KCNIP4: variants seen among roughly 807,000 people sequenced by gnomAD.
KCNIP4 encodes potassium voltage-gated channel interacting protein 4.
KCNIP4 carries 12 observed loss-of-function variants against 34.0 expected under a neutral mutation model. That is an observed-to-expected ratio of 0.35 (90% confidence interval 0.23 to 0.57). The LOEUF is 0.57. KCNIP4 is among the 20% of genes least tolerant of loss of function. KCNIP4 has a pLI of 0.83. For synonymous variants in KCNIP4, 124 were observed against 102.2 expected, an observed-to-expected ratio of 1.21 and a Z score of -1.29; for missense variants, 238 against 311.7, an observed-to-expected ratio of 0.76 and a Z score of 1.78.
chr4:21,458,638 T>G (rs1322986885), intron 1 of KCNIP4, among the ~76,000 whole-genome samples: 1 of 151,984 alleles, frequency 6.6e-6, no homozygotes, highest in Non-Finnish European at 1.5e-5. Context: ...CACATTAACT[T>G]CCTGATCGCT....
At chr4:21,871,490 T>C (rs1356196171) in intron 1 of KCNIP4, among the ~76,000 whole-genome samples, 1 of 151,678 alleles carries the variant, frequency 6.6e-6, no homozygotes, top group Non-Finnish European at 1.5e-5. Flanking sequence ...ATGTCCTTTG[T>C]AGGGACATGG....
chr4:21,416,811 T>C (rs1023200791), intron 1 of KCNIP4, among the ~76,000 whole-genome samples: 35 of 152,176 alleles, frequency 2.3e-4, no homozygotes, highest in Non-Finnish European at 1.3e-4. Flanking sequence ...ATGTCAGTCA[T>C]ATTTGAAAAG....
At chr4:21,681,428 G>T (rs543907386) in intron 1 of KCNIP4, among the ~76,000 whole-genome samples, 226 of 152,246 alleles carry the variant, frequency 1.5e-3, no homozygotes, top group African/African-American at 5.3e-3. Flanking sequence ...CATCTACACT[G>T]AAAATTTGGT....
chr4:21,643,078 C>T (rs1371211758), intron 1 of KCNIP4, among the ~76,000 whole-genome samples: 6 of 152,114 alleles, frequency 3.9e-5, no homozygotes, highest in African/African-American at 1.2e-4. Flanking sequence ...AGAGTTACAG[C>T]GATGTAACCA....
chr4:21,396,359 C>A (rs970428755), intron 1 of KCNIP4, among the ~76,000 whole-genome samples: 6 of 151,524 alleles, frequency 4.0e-5, no homozygotes, highest in Admixed American at 1.3e-4. Context: ...AGTTTGAGAC[C>A]AGCCTGGCCA....
intron 3 of KCNIP4, among the ~76,000 whole-genome samples, chr4:20,760,474 G>T (rs1384058791): frequency 2.6e-5 from 4 of 152,136 alleles, no homozygotes; most frequent in African/African-American, 9.7e-5. Flanking sequence ...TTACTCAACT[G>T]TAATGTGCTT....
Position 20,864,392 on chromosome 4 carries a change from T to TTA in KCNIP4, c.164-13727_164-13726dup, listed in dbSNP as rs529056470. Among the ~76,000 whole-genome samples the TTA allele has an allele frequency of 2.9e-3, 439 of 150,668 alleles. 3 individuals carry two copies. Among genetic ancestry groups the TTA allele is most frequent in the South Asian group, 4.2e-3 (20 of 4,792 alleles). Reference sequence around the variant, plus strand: ...ATGTTATACATTTTATATATACATGTTATATATATATAACATATATATACA... The same window carrying TTA: ...ATGTTATACATTTTATATATACATGTTATATATATATATAACATATATATACA... On this transcript the variant is annotated intron_variant, in intron 2 of 8. Transcript: ENST00000382152.
chr4:21,600,866 C>G (rs1743058354), intron 1 of KCNIP4, among the ~76,000 whole-genome samples: 1 of 151,774 alleles, frequency 6.6e-6, no homozygotes, highest in East Asian at 1.9e-4. Context: ...CTTGCCTTAT[C>G]TATCCTTGCT....
chr4:20,866,029 A>G (rs1250252033), intron 2 of KCNIP4, among the ~76,000 whole-genome samples: 1 of 151,988 alleles, frequency 6.6e-6, no homozygotes, highest in African/African-American at 2.4e-5. Flanking sequence ...CCTGCCAACT[A>G]AAAAAAGCTC....
At chr4:21,215,400 A>G (rs577205437) in intron 1 of KCNIP4, among the ~76,000 whole-genome samples, 3 of 152,318 alleles carry the variant, frequency 2.0e-5, no homozygotes, top group Admixed American at 1.3e-4. Context: ...TAAAAGACAT[A>G]TTCATTGATT....
intron 1 of KCNIP4, among the ~76,000 whole-genome samples, chr4:21,944,235 G>T (rs62301455): frequency 3.1e-4 from 47 of 152,040 alleles, no homozygotes; most frequent in Middle Eastern, 3.4e-3. Flanking sequence ...GGCAAAAAGA[G>T]GAAATAAGTG....
intron 1 of KCNIP4, among the ~76,000 whole-genome samples, chr4:21,577,308 C>G (rs1260453369): frequency 6.6e-6 from 1 of 152,178 alleles, no homozygotes; most frequent in Non-Finnish European, 1.5e-5. Flanking sequence ...TGGCCTTGCA[C>G]AACTCTTCTG....
intron 1 of KCNIP4, among the ~76,000 whole-genome samples, chr4:20,935,212 A>C (rs936542274): frequency 6.6e-6 from 1 of 152,204 alleles, no homozygotes; most frequent in Non-Finnish European, 1.5e-5. Context: ...GAGATACACT[A>C]TTCCACTAAC....
intron 1 of KCNIP4, among the ~76,000 whole-genome samples, chr4:21,126,817 A>G (rs1750659266): frequency 6.6e-6 from 1 of 152,128 alleles, no homozygotes; most frequent in Admixed American, 6.5e-5. Flanking sequence ...CTTTAAATCT[A>G]CAGAGAAATG....
intron 3 of KCNIP4, among the ~76,000 whole-genome samples, chr4:20,792,712 T>C (rs942905646): frequency 6.6e-6 from 1 of 152,162 alleles, no homozygotes; most frequent in African/African-American, 2.4e-5. Context: ...GAGCACAGAA[T>C]AATCTTAAAT....
intron 1 of KCNIP4, among the ~76,000 whole-genome samples, chr4:21,082,243 T>C (rs575979142): frequency 6.6e-6 from 1 of 151,930 alleles, no homozygotes; most frequent in African/African-American, 2.4e-5. Flanking sequence ...TTAAGGCTCA[T>C]GAGACACCAC....
At chr4:21,671,388 C>A (rs576249325) in intron 1 of KCNIP4, among the ~76,000 whole-genome samples, 35 of 152,292 alleles carry the variant, frequency 2.3e-4, no homozygotes, top group African/African-American at 8.2e-4. Flanking sequence ...TTTTGGAAGA[C>A]TTCTCCTGCA....
intron 1 of KCNIP4, among the ~76,000 whole-genome samples, chr4:21,746,411 G>A (rs1716779325): frequency 6.6e-6 from 1 of 152,068 alleles, no homozygotes; most frequent in Non-Finnish European, 1.5e-5. Flanking sequence ...TTTCAAACTA[G>A]TAAGACTTGA....
rs574700404 is a variant in KCNIP4, at chr4:20,930,620, G to A, written c.62-47911C>T. Among the ~76,000 whole-genome samples, 13 of 152,114 alleles carry A rather than the reference G, an allele frequency of 8.5e-5. No homozygotes were observed. In the South Asian group the frequency reaches 2.7e-3, roughly 32 times the overall value. ...TTTTCACACAGCATATCTCCTAAGAGGCTAATATTCAACATTTGTAAAGAA... is the reference window on the plus strand; with the variant it reads ...TTTTCACACAGCATATCTCCTAAGAAGCTAATATTCAACATTTGTAAAGAA... On this transcript the variant is annotated intron_variant, in intron 1 of 8. Coordinates refer to ENST00000382152, the MANE Select transcript of KCNIP4 (RefSeq NM_025221.6).
Sources: gnomAD v4.1 joint callset for allele counts (sites outside exome capture counted in the v4.1 genomes callset) on GRCh38, gnomAD v4.1.1 for gene constraint, MANE v1.5 for transcripts, NCBI Gene and HGNC (gene_info 2026-07-23, HGNC 2026-07-21) for gene names.